PSD3: variants seen among roughly 807,000 people sequenced by gnomAD.
The protein encoded by PSD3 is pleckstrin and Sec7 domain containing 3.
A neutral mutation model predicts 105.5 loss-of-function variants in PSD3; 49 were observed. That is an observed-to-expected ratio of 0.46 (90% CI 0.37 to 0.59). The LOEUF (loss-of-function observed/expected upper bound fraction) is 0.59, where lower values mean the gene tolerates loss of function less well. PSD3 is among the 20% of genes least tolerant of loss of function. The pLI is 0.00. For missense variants in PSD3, 1,561 were observed against 1,263.8 expected, an observed-to-expected ratio of 1.24 and a Z score of -3.57; for synonymous variants, 557 against 457.8, an observed-to-expected ratio of 1.22 and a Z score of -2.77.
chr8:18,865,591 T>C (rs1396599267), intron 4 of PSD3, among the ~76,000 whole-genome samples: 3 of 151,416 alleles, frequency 2.0e-5, no homozygotes, highest in Non-Finnish European at 2.9e-5. Flanking sequence ...AATGGGGGAG[T>C]CCTGCCAAGC....
rs138066921 is a variant in PSD3, at chr8:18,855,330, T to A, written c.1634+12344A>T. Among the ~76,000 whole-genome samples the A allele has an allele frequency of 6.2e-3, 943 of 152,296 alleles. 28 individuals carry two copies. Among genetic ancestry groups the A allele is most frequent in the Admixed American group, 0.041 (633 of 15,290 alleles). ...TAAATATATACCCAGACTAGAGAAGTTCTTCCATGTGTTCCCAAAAAGCCA... is the reference window on the plus strand; with the variant it reads ...TAAATATATACCCAGACTAGAGAAGATCTTCCATGTGTTCCCAAAAAGCCA... On this transcript the variant is annotated intron_variant, in intron 4 of 15. Coordinates refer to ENST00000327040, the MANE Select transcript of PSD3 (RefSeq NM_015310.4).
chr8:18,923,558 A>G (rs1821169649), intron 2 of PSD3, among the ~76,000 whole-genome samples: 1 of 152,204 alleles, frequency 6.6e-6, no homozygotes, highest in Non-Finnish European at 1.5e-5. Flanking sequence ...TAGACATACA[A>G]AGACCACTGT....
At chr8:18,928,313 T>C (rs1239049872) in intron 2 of PSD3, among the ~76,000 whole-genome samples, 5 of 152,292 alleles carry the variant, frequency 3.3e-5, no homozygotes, top group Non-Finnish European at 4.4e-5. Flanking sequence ...ATGTAAGACA[T>C]CCCTTTGCTC....
intron 4 of PSD3, among the ~76,000 whole-genome samples, chr8:18,863,963 C>T (rs1292062752): frequency 6.6e-6 from 1 of 152,102 alleles, no homozygotes; most frequent in African/African-American, 2.4e-5. Context: ...ACCTCTTGCA[C>T]CTTTCTTTAA....
At chr8:19,065,117 A>T (rs150370503) in intron 1 of PSD3, among the ~76,000 whole-genome samples, 3 of 152,304 alleles carry the variant, frequency 2.0e-5, no homozygotes, top group African/African-American at 7.2e-5. Context: ...TAACCCTATA[A>T]GGAAAGTAAT....
In PSD3 at chr8:18,793,371, A is replaced by AC. The variant is rs574348995; in HGVS notation, c.2082+5923_2082+5924insG. On this transcript the variant is annotated intron_variant, in intron 8 of 15. Transcript: ENST00000327040. ...AAATAACTCTGTAAGGTATCAAAAT[A>AC]GAAAAAAAAAACAAAACAAAACTGG... is the stretch of plus-strand genomic sequence containing the variant. Among the ~76,000 whole-genome samples the AC allele has an allele frequency of 2.7e-3, 287 of 105,798 alleles. 1 individual carries two copies. Among genetic ancestry groups the AC allele is most frequent in the African/African-American group, 8.6e-3 (275 of 32,138 alleles). 69.4% of individuals were successfully genotyped at this position (105,798 alleles called of 152,430 possible).
chr8:19,006,434 C>T (rs375957177), intron 1 of PSD3, among the ~76,000 whole-genome samples: 42 of 152,148 alleles, frequency 2.8e-4, no homozygotes, highest in African/African-American at 5.3e-4. Context: ...CCTATCCCCA[C>T]GCTTTTGTAT....
chr8:18,899,269 C>T (rs895621255), intron 2 of PSD3, among the ~76,000 whole-genome samples: 1 of 152,176 alleles, frequency 6.6e-6, no homozygotes, highest in Non-Finnish European at 1.5e-5. Flanking sequence ...TCCTTCCTCA[C>T]CACCCCTCAT....
At chr8:18,634,930 G>C (rs1424881702) in intron 10 of PSD3, among the ~76,000 whole-genome samples, 1 of 152,060 alleles carries the variant, frequency 6.6e-6, no homozygotes, top group Non-Finnish European at 1.5e-5. Context: ...CAAATATTGT[G>C]ATTCTCCTTT....
chr8:18,921,748 T>G lies in PSD3; in HGVS notation c.130+14286A>C, dbSNP rs189392111. Among the ~76,000 whole-genome samples the G allele has an allele frequency of 2.7e-3, 415 of 152,298 alleles. 1 individual carries two copies. Among genetic ancestry groups the G allele is most frequent in the Middle Eastern group, 0.01 (3 of 294 alleles). On this transcript the variant is annotated intron_variant, in intron 2 of 15. Coordinates refer to ENST00000327040, the MANE Select transcript of PSD3 (RefSeq NM_015310.4). ...GGCAAAAGTATAAAGTCATACACTA[T>G]GTATGCAGAGGCCATAAGCCCAGTG...
At chr8:18,929,066 T>A (rs185546477) in intron 2 of PSD3, among the ~76,000 whole-genome samples, 2 of 152,186 alleles carry the variant, frequency 1.3e-5, no homozygotes, top group Admixed American at 6.5e-5. Flanking sequence ...AAAAATCCAC[T>A]GAATTTTACA....
intron 1 of PSD3, among the ~76,000 whole-genome samples, chr8:18,996,231 G>A (rs1388368571): frequency 1.3e-5 from 2 of 151,982 alleles, no homozygotes; most frequent in Admixed American, 1.3e-4. Flanking sequence ...CTTGGAAAAT[G>A]TGATCTTATA....
intron 4 of PSD3, among the ~76,000 whole-genome samples, chr8:18,857,437 G>C (rs1358531426): frequency 6.6e-6 from 1 of 152,146 alleles, no homozygotes; most frequent in Non-Finnish European, 1.5e-5. Flanking sequence ...GAGTAGCAAG[G>C]TGTTGAGAAC....
chr8:19,031,766 G>T (rs1164363061), intron 1 of PSD3, among the ~76,000 whole-genome samples: 1 of 152,010 alleles, frequency 6.6e-6, no homozygotes, highest in African/African-American at 2.4e-5. Context: ...AACTAAATAG[G>T]GGCAGAAAAA....
chr8:19,048,793 G>C (rs979803384), intron 1 of PSD3, among the ~76,000 whole-genome samples: 2 of 152,156 alleles, frequency 1.3e-5, no homozygotes, highest in Non-Finnish European at 2.9e-5. Flanking sequence ...AGCTCCTTAG[G>C]TTCTGTATTT....
chr8:18,872,804 T>A, intron 2 of PSD3, 71 bp from the exon 3 acceptor site: 1 of 1,395,580 alleles, frequency 7.2e-7, no homozygotes, highest in Admixed American at 2.3e-5. Flanking sequence ...TAATGCATAT[T>A]CACACAGATT....
chr8:18,862,584 G>C (rs1492290), intron 4 of PSD3, among the ~76,000 whole-genome samples: 94,174 of 151,864 alleles, frequency 0.62, 29,769 homozygotes, highest in East Asian at 0.98. Context: ...CCGGAGCTCC[G>C]TGGGCAGCCA....
chr8:18,585,086 C>G (rs185779471), intron 12 of PSD3, among the ~76,000 whole-genome samples: 1 of 152,204 alleles, frequency 6.6e-6, no homozygotes, highest in East Asian at 1.9e-4. Context: ...AACACGAAGC[C>G]CTCTGCCTTG....
chr8:19,057,919 C>A (rs988272689), intron 1 of PSD3, among the ~76,000 whole-genome samples: 1 of 152,158 alleles, frequency 6.6e-6, no homozygotes, highest in African/African-American at 2.4e-5. Context: ...CATCATATGA[C>A]CCAGCTATCC....
Sources: allele counts gnomAD v4.1 joint callset (sites outside exome capture counted in the v4.1 genomes callset), GRCh38; gene constraint gnomAD v4.1.1; transcripts MANE v1.5; gene names NCBI Gene and HGNC (gene_info 2026-07-23, HGNC 2026-07-21).